Variants in SLC35F1 observed in about 807,000 individuals in gnomAD.
The protein encoded by SLC35F1 is chromosome 6 open reading frame 169.
SLC35F1 carries 14 observed loss-of-function variants against 48.7 expected under a neutral mutation model. The observed-to-expected ratio is 0.29, with a 90% confidence interval of 0.19 to 0.45. SLC35F1 has a LOEUF of 0.45. Among genes scored for constraint, SLC35F1 ranks in the 20% least tolerant of loss-of-function variants. The pLI, the probability that SLC35F1 is intolerant of heterozygous loss-of-function variation, is 1.00. For missense variants in SLC35F1, 404 were observed against 500.0 expected, an observed-to-expected ratio of 0.81 and a Z score of 1.83; for synonymous variants, 190 against 202.2, an observed-to-expected ratio of 0.94 and a Z score of 0.51.
At chr6:117,979,099 G>C (rs1776742268) in intron 1 of SLC35F1, among the ~76,000 whole-genome samples, 2 of 152,178 alleles carry the variant, frequency 1.3e-5, no homozygotes, top group East Asian at 1.9e-4. Context: ...CTGTACTACT[G>C]TCTGACTCAT....
chr6:118,062,243 G>A (rs2114276383), intron 1 of SLC35F1, among the ~76,000 whole-genome samples: 1 of 152,034 alleles, frequency 6.6e-6, no homozygotes, highest in East Asian at 1.9e-4. Context: ...GTTAACAGAG[G>A]GCTGATTGGC....
At chr6:117,920,520 G>C (rs1775884410) in intron 1 of SLC35F1, among the ~76,000 whole-genome samples, 1 of 152,158 alleles carries the variant, frequency 6.6e-6, no homozygotes, top group Non-Finnish European at 1.5e-5. Context: ...AAACAAAAAT[G>C]ACCACCACCC....
chr6:118,147,180 A>G (rs1773986270), intron 1 of SLC35F1, among the ~76,000 whole-genome samples: 1 of 152,170 alleles, frequency 6.6e-6, no homozygotes, highest in Admixed American at 6.5e-5. Context: ...GTGTAGAGGA[A>G]AAAGAGGGAA....
chr6:117,995,779 A>T lies in SLC35F1; in HGVS notation c.173+87880A>T, dbSNP rs144047470. 3.1e-3 allele frequency among the ~76,000 whole-genome samples: 467 copies of T among 152,286 alleles called. 2 individuals carry two copies. The highest frequency in any genetic ancestry group is 0.011 in the African/African-American group (446 of 41,558). ...AATGAAATAAATAAATAAAAATTAA[A>T]AAAAGGGCAGTCATATTCAAAGTTC... On this transcript the variant is annotated intron_variant, in intron 1 of 7. Transcript: ENST00000360388.
At chr6:118,274,502 A>G (rs1485960307) in intron 4 of SLC35F1, among the ~76,000 whole-genome samples, 1 of 151,996 alleles carries the variant, frequency 6.6e-6, no homozygotes, top group Non-Finnish European at 1.5e-5. Flanking sequence ...GTTCTGAGGG[A>G]TTCTTCTGCC....
chr6:117,931,098 G>A (rs566166162), intron 1 of SLC35F1, among the ~76,000 whole-genome samples: 56 of 152,192 alleles, frequency 3.7e-4, no homozygotes, highest in Non-Finnish European at 5.9e-4. Context: ...TAGACATTAC[G>A]TGTTATAATT....
At chr6:118,170,739 A>C (rs1438993019) in intron 2 of SLC35F1, among the ~76,000 whole-genome samples, 1 of 151,886 alleles carries the variant, frequency 6.6e-6, no homozygotes, top group East Asian at 1.9e-4. Context: ...GCCACACCTG[A>C]CCTCATTTTT....
intron 1 of SLC35F1, among the ~76,000 whole-genome samples, chr6:118,121,754 CT>C (rs1773555784): frequency 6.6e-6 from 1 of 152,132 alleles, no homozygotes; most frequent in African/African-American, 2.4e-5. Flanking sequence ...TCTCTTTTGT[CT>C]TTTGCTCAGT....
At chr6:118,002,348 A>G (rs1777112446) in intron 1 of SLC35F1, among the ~76,000 whole-genome samples, 1 of 152,140 alleles carries the variant, frequency 6.6e-6, no homozygotes, top group South Asian at 2.1e-4. Context: ...TACTATCGCA[A>G]GGACAAAAAA....
At chr6:117,972,791 T>C (rs772891683) in intron 1 of SLC35F1, among the ~76,000 whole-genome samples, 8 of 152,110 alleles carry the variant, frequency 5.3e-5, no homozygotes, top group Non-Finnish European at 1.0e-4. Context: ...CAATTCAAGA[T>C]GAAGTTTGGG....
intron 1 of SLC35F1, among the ~76,000 whole-genome samples, chr6:117,997,488 T>G (rs549888040): frequency 2.9e-4 from 44 of 151,980 alleles, no homozygotes; most frequent in Admixed American, 1.2e-3. Flanking sequence ...TCACCAAAGT[T>G]GAAATGAAGG....
chr6:118,066,371 G>A (rs1160607802), intron 1 of SLC35F1, among the ~76,000 whole-genome samples: 4 of 152,238 alleles, frequency 2.6e-5, no homozygotes, highest in African/African-American at 9.6e-5. Context: ...AGTTTCAGGT[G>A]ACCTCTAGGA....
chr6:118,233,366 G>A (rs531479902), intron 2 of SLC35F1, among the ~76,000 whole-genome samples: 16 of 152,330 alleles, frequency 1.1e-4, no homozygotes, highest in African/African-American at 3.8e-4. Flanking sequence ...TGTCAAACAT[G>A]TAAGGCAAGT....
intron 1 of SLC35F1, among the ~76,000 whole-genome samples, chr6:117,986,945 G>A (rs932434804): frequency 5.9e-5 from 9 of 152,138 alleles, no homozygotes; most frequent in Non-Finnish European, 1.3e-4. Context: ...GTAAGGCACT[G>A]ACTTACATAA....
chr6:118,161,845 C>T (rs1451405241), intron 2 of SLC35F1, among the ~76,000 whole-genome samples: 3 of 152,150 alleles, frequency 2.0e-5, no homozygotes, highest in Non-Finnish European at 4.4e-5. Flanking sequence ...GAAAGTCACA[C>T]AAGAAAATTA....
chr6:118,316,731 T>G lies in SLC35F1; in HGVS notation c.*2479T>G, dbSNP rs1776442011. On this transcript the variant is annotated 3_prime_UTR_variant, in exon 8 of 8. Transcript: ENST00000360388. ...TATTTTATAGGATATTTTAATTGAC[T>G]CCATTGTATGGAAACCAAGTGTGAA... The G allele has an allele frequency of 6.6e-6, 1 of 152,174 alleles. No individual in the cohort carries two copies. Among genetic ancestry groups the G allele is most frequent in the Non-Finnish European group, 1.5e-5 (1 of 68,034 alleles). 9.4% of individuals were successfully genotyped at this position (152,174 alleles called of 1,614,324 possible).
chr6:118,248,279 G>A, intron 3 of SLC35F1, among the ~76,000 whole-genome samples: 1 of 152,174 alleles, frequency 6.6e-6, no homozygotes, highest in African/African-American at 2.4e-5. Context: ...GAACATAGCT[G>A]GAACAGTAAG....
At chr6:117,981,545 A>G (rs1776781405) in intron 1 of SLC35F1, among the ~76,000 whole-genome samples, 1 of 152,148 alleles carries the variant, frequency 6.6e-6, no homozygotes, top group Non-Finnish European at 1.5e-5. Flanking sequence ...CATTTAAATA[A>G]CTTAGTGGGA....
chr6:118,147,891 A>G (rs1472606635), intron 1 of SLC35F1, among the ~76,000 whole-genome samples: 3 of 152,220 alleles, frequency 2.0e-5, no homozygotes, highest in Admixed American at 1.3e-4. Flanking sequence ...TGTGAGGCAA[A>G]GATACCCAAT....
Sources: gnomAD v4.1 joint callset for allele counts (sites outside exome capture counted in the v4.1 genomes callset) on GRCh38, gnomAD v4.1.1 for gene constraint, MANE v1.5 for transcripts, NCBI Gene and HGNC (gene_info 2026-07-23, HGNC 2026-07-21) for gene names.